Variants in LRRC72 observed in about 807,000 individuals in gnomAD.
The protein encoded by LRRC72 is leucine-rich repeat-containing protein 72.
In LRRC72, 41 loss-of-function variants were observed where a neutral mutation model predicts 35.8. The ratio of observed to expected loss-of-function variants is 1.15; its 90% CI spans 0.89 to 1.49. The LOEUF (loss-of-function observed/expected upper bound fraction) is 1.49, where lower values mean the gene tolerates loss of function less well. Among genes scored for constraint, LRRC72 ranks in the 40% most tolerant of loss-of-function variants. The pLI, the probability that LRRC72 is intolerant of heterozygous loss-of-function variation, is 0.00. For missense variants in LRRC72, 389 were observed against 330.7 expected, an observed-to-expected ratio of 1.18 and a Z score of -1.37; for synonymous variants, 118 against 119.2, an observed-to-expected ratio of 0.99 and a Z score of 0.07.
intron 7 of LRRC72, among the ~76,000 whole-genome samples, chr7:16,569,851 C>A (rs1782912221): frequency 6.6e-6 from 1 of 151,882 alleles, no homozygotes; most frequent in Admixed American, 6.6e-5. Flanking sequence ...GACAACATGG[C>A]AAAACCCAGT....
intron 5 of LRRC72, among the ~76,000 whole-genome samples, chr7:16,564,556 T>A (rs60125998): frequency 0.08 from 12,145 of 152,200 alleles, 1,663 homozygotes; most frequent in African/African-American, 0.28. Flanking sequence ...TCTCCATTAC[T>A]TACATATTTC....
In LRRC72 at chr7:16,581,372, G is replaced by A. The variant is rs1395279275; in HGVS notation, c.747G>A (p.Lys249=). 6.5e-7 allele frequency: 1 copy of A among 1,547,768 alleles called. No homozygotes were observed. Among genetic ancestry groups the A allele is most frequent in the African/African-American group, 1.4e-5 (1 of 72,866 alleles). ...PEDAVFVRSM[K]RSVMTLTSMN... ...ATGCTGTTTTTGTGAGGTCCATGAA[G>A]AGATCAGTGATGACTTTGACCTCTA... Residue 249 remains lysine (K), a synonymous_variant, in exon 9 of 9, where the codon AAG becomes AAA. Coordinates refer to ENST00000401542, the MANE Select transcript of LRRC72 (RefSeq NM_001195280.2).
At chr7:16,558,483 G>C (rs973936143) in intron 4 of LRRC72, among the ~76,000 whole-genome samples, 2 of 152,054 alleles carry the variant, frequency 1.3e-5, no homozygotes, top group South Asian at 2.1e-4. Context: ...GGTGGTGGAC[G>C]CCTGTAATCT....
chr7:16,550,816 A>G (rs1170223449), intron 3 of LRRC72, among the ~76,000 whole-genome samples: 1 of 152,156 alleles, frequency 6.6e-6, no homozygotes, highest in African/African-American at 2.4e-5. Flanking sequence ...ATGTGGTTGT[A>G]TTGTAATTTT....
chr7:16,566,321 C>CA lies in LRRC72; in HGVS notation c.440dup (p.Asn147LysfsTer7). On this transcript the variant is annotated frameshift_variant, in exon 6 of 9. Coordinates refer to ENST00000401542, the MANE Select transcript of LRRC72 (RefSeq NM_001195280.2). LOFTEE classifies it high-confidence loss of function. ...GGATTCTTCATTTGCAGGTCTATAC[C>CA]AAAATCCTTTGTGCCAATATAACCT... The CA allele has an allele frequency of 6.5e-7, 1 of 1,535,466 alleles. No individual in the cohort carries two copies. Among genetic ancestry groups the CA allele is most frequent in the Non-Finnish European group, 8.8e-7 (1 of 1,140,964 alleles).
At chr7:16,527,711 T>C (rs1216868731) in intron 1 of LRRC72, among the ~76,000 whole-genome samples, 2 of 152,146 alleles carry the variant, frequency 1.3e-5, no homozygotes, top group African/African-American at 2.4e-5. Context: ...GGGGCTGCTG[T>C]GATTAAACGA....
intron 7 of LRRC72, among the ~76,000 whole-genome samples, chr7:16,577,604 A>G (rs532455234): frequency 2.6e-4 from 39 of 152,332 alleles, no homozygotes; most frequent in Admixed American, 1.4e-3. Flanking sequence ...TTAAAAATAA[A>G]AAGCATCATA....
intron 3 of LRRC72, among the ~76,000 whole-genome samples, chr7:16,556,842 T>C (rs1782657722): frequency 6.6e-6 from 1 of 152,200 alleles, no homozygotes; most frequent in East Asian, 1.9e-4. Context: ...CGGTTTAGTA[T>C]GCCTTGCTGG....
chr7:16,573,022 G>A lies in LRRC72; in HGVS notation c.670+5479G>A, dbSNP rs180767910. On this transcript the variant is annotated intron_variant, in intron 7 of 8. Coordinates refer to ENST00000401542, the MANE Select transcript of LRRC72 (RefSeq NM_001195280.2). ...TATACACCAATAATAGACAAACAGA[G>A]AGCCAAATCATGAGTGACTCCCATT... Among the ~76,000 whole-genome samples, 202 of 152,164 alleles carry A rather than the reference G, an allele frequency of 1.3e-3. 3 individuals carry two copies. The highest frequency in any genetic ancestry group is 0.013 in the Admixed American group (202 of 15,280).
At chr7:16,547,536 C>T (rs113073268) in intron 3 of LRRC72, among the ~76,000 whole-genome samples, 32 of 152,304 alleles carry the variant, frequency 2.1e-4, no homozygotes, top group African/African-American at 6.3e-4. Flanking sequence ...CCTGCACTCT[C>T]GGGGACCCAG....
At chr7:16,571,046 A>AAAT (rs988666963) in intron 7 of LRRC72, among the ~76,000 whole-genome samples, 4 of 151,222 alleles carry the variant, frequency 2.6e-5, no homozygotes, top group Non-Finnish European at 5.9e-5. Context: ...CCTCAATTTT[A>AAAT]AATTACTTCC....
At chr7:16,545,200 G>A (rs1457623790) in intron 3 of LRRC72, among the ~76,000 whole-genome samples, 1 of 152,138 alleles carries the variant, frequency 6.6e-6, no homozygotes, top group Non-Finnish European at 1.5e-5. Flanking sequence ...AAGAGTAAAT[G>A]TTTTAAGAAA....
intron 1 of LRRC72, 80 bp downstream of exon 1, chr7:16,527,122 A>G (rs1782083958): frequency 4.5e-6 from 5 of 1,110,536 alleles, no homozygotes; most frequent in Non-Finnish European, 3.9e-6. Flanking sequence ...TGAGGACTCC[A>G]GGCAGGTACT....
In LRRC72 at chr7:16,567,546, A is replaced by G. The variant is rs878862207; in HGVS notation, c.670+3A>G. ...ACCAGCCCAGAGAGTACCTTCAGGT[A>G]TTTCGTAAAAAAAAAAAAAAAAACA... On this transcript the variant is annotated splice_donor_region_variant and intron_variant, in intron 7 of 8. Transcript: ENST00000401542. 1 of 811,830 alleles carries G rather than the reference A, an allele frequency of 1.2e-6. No homozygotes were observed. The highest frequency in any genetic ancestry group is 1.7e-6 in the Non-Finnish European group (1 of 585,832). The allele number at this position is 811,830 out of a possible 1,614,324, so 50.3% of individuals were successfully genotyped here.
chr7:16,564,956 T>G (rs554503084), intron 5 of LRRC72, among the ~76,000 whole-genome samples: 56 of 152,362 alleles, frequency 3.7e-4, no homozygotes, highest in Admixed American at 1.7e-3. Context: ...TTATCAAACC[T>G]GTATTTTATG....
In LRRC72 at chr7:16,543,061, T is replaced by A. The variant is rs74858838; in HGVS notation, c.234+5365T>A. ...TTGACTGGGTGCTAAGCTGCCTAAG[T>A]GTTCATACTCCATCAAAAATTAAAG... On this transcript the variant is annotated intron_variant, in intron 3 of 8. Transcript: ENST00000401542. Among the ~76,000 whole-genome samples the A allele has an allele frequency of 6.4e-3, 981 of 152,338 alleles. 10 individuals are homozygous for A. The highest frequency in any genetic ancestry group is 0.022 in the African/African-American group (923 of 41,578).
intron 3 of LRRC72, among the ~76,000 whole-genome samples, chr7:16,549,455 A>G (rs1782510131): frequency 6.6e-6 from 1 of 152,244 alleles, no homozygotes; most frequent in Admixed American, 6.5e-5. Context: ...CTGTTTGTGG[A>G]AAAACAATCA....
intron 2 of LRRC72, 43 bp downstream of exon 2, chr7:16,532,611 CATGATCATGTTAA>C: frequency 7.4e-7 from 1 of 1,350,656 alleles, no homozygotes; most frequent in Non-Finnish European, 1.0e-6. Context: ...ATCATGTTAT[CATGATCATGTTAA>C]AATGTTTCAC....
At chr7:16,572,122 C>G (rs1317690558) in intron 7 of LRRC72, among the ~76,000 whole-genome samples, 1 of 152,160 alleles carries the variant, frequency 6.6e-6, no homozygotes, top group East Asian at 1.9e-4. Context: ...ACTCAAATCC[C>G]TGAACAGACC....
Sources: allele counts gnomAD v4.1 joint callset (sites outside exome capture counted in the v4.1 genomes callset), GRCh38; gene constraint gnomAD v4.1.1; transcripts MANE v1.5; gene names NCBI Gene and HGNC (gene_info 2026-07-23, HGNC 2026-07-21).